Variants in DPYD observed in about 807,000 individuals in gnomAD.
DPYD encodes the protein dihydropyrimidine dehydrogenase, also known as dihydropyrimidine dehydrogenase [NADP(+)].
Under a neutral mutation model 116.2 loss-of-function variants are expected in DPYD, and 109 were observed. That is an observed-to-expected ratio of 0.94 (90% CI 0.80 to 1.10). The LOEUF is 1.10. Ranked by LOEUF, DPYD falls within the 50% of genes least tolerant of loss-of-function variation. DPYD has a pLI of 0.00. For missense variants in DPYD, 1,302 were observed against 1,254.5 expected (o/e 1.04, Z -0.57); for synonymous variants, 440 against 432.0 (o/e 1.02, Z -0.23).
At chr1:97,858,523 G>T (rs1048001583) in intron 2 of DPYD, among the ~76,000 whole-genome samples, 2 of 152,036 alleles carry the variant, frequency 1.3e-5, no homozygotes, top group Non-Finnish European at 2.9e-5. Flanking sequence ...TATAAAGATA[G>T]TACATCTGTT....
intron 3 of DPYD, among the ~76,000 whole-genome samples, chr1:97,777,032 T>C (rs1305621240): frequency 6.6e-6 from 1 of 152,160 alleles, no homozygotes; most frequent in African/African-American, 2.4e-5. Flanking sequence ...AGTGAAATTA[T>C]CTAAAAATAC....
intron 18 of DPYD, among the ~76,000 whole-genome samples, chr1:97,273,557 A>T (rs1664735533): frequency 6.6e-6 from 1 of 152,124 alleles, no homozygotes; most frequent in East Asian, 1.9e-4. Context: ...CAGTGTGGAG[A>T]GAGGACTAAG....
chr1:97,395,363 A>T (rs1672952791), intron 14 of DPYD, among the ~76,000 whole-genome samples: 2 of 151,922 alleles, frequency 1.3e-5, no homozygotes, highest in Admixed American at 1.3e-4. Flanking sequence ...TTTCACATAC[A>T]TTATCTCATT....
chr1:97,444,670 T>C (rs941302624), intron 14 of DPYD, among the ~76,000 whole-genome samples: 1 of 152,166 alleles, frequency 6.6e-6, no homozygotes, highest in Non-Finnish European at 1.5e-5. Context: ...AGGAGATTTC[T>C]GAAATGATTG....
At chr1:97,353,236 G>T (rs561108731) in intron 16 of DPYD, among the ~76,000 whole-genome samples, 1 of 152,302 alleles carries the variant, frequency 6.6e-6, no homozygotes, top group South Asian at 2.1e-4. Context: ...TCGCTGCCAG[G>T]CTGCTATAAA....
At chr1:97,735,432 T>C (rs972948024) in intron 4 of DPYD, among the ~76,000 whole-genome samples, 1 of 151,562 alleles carries the variant, frequency 6.6e-6, no homozygotes, top group Non-Finnish European at 1.5e-5. Context: ...ATCCCAGCAC[T>C]TTGGGAGGCC....
chr1:97,440,033 T>C (rs1260592562), intron 14 of DPYD, among the ~76,000 whole-genome samples: 3 of 152,128 alleles, frequency 2.0e-5, no homozygotes, highest in African/African-American at 7.2e-5. Flanking sequence ...CCCAGCACTT[T>C]GGGAGGCCGA....
intron 14 of DPYD, among the ~76,000 whole-genome samples, chr1:97,448,811 G>A (rs765593074): frequency 4.6e-5 from 7 of 151,948 alleles, no homozygotes; most frequent in Admixed American, 4.6e-4. Context: ...GACGGGTCAC[G>A]ATAGTTCCCT....
chr1:97,409,523 T>C (rs10783061), intron 14 of DPYD, among the ~76,000 whole-genome samples: 141,630 of 152,218 alleles, frequency 0.93, 66,769 homozygotes, highest in East Asian at 1. Context: ...CATTGAGATG[T>C]AATTAATGCT....
intron 13 of DPYD, among the ~76,000 whole-genome samples, chr1:97,481,890 T>TCA (rs749611845): frequency 1.3e-5 from 2 of 151,910 alleles, no homozygotes; most frequent in Non-Finnish European, 2.9e-5. Flanking sequence ...GTGTGTTCAT[T>TCA]CACACACACA....
Position 97,159,332 on chromosome 1 carries a change from G to A in DPYD, c.2622+33737C>T, listed in dbSNP as rs562097752. 1.6e-4 allele frequency among the ~76,000 whole-genome samples: 24 copies of A among 152,152 alleles called. No individual in the cohort carries two copies. In the South Asian group the frequency reaches 5.0e-3, roughly 32 times the overall value. ...TAACAGCATAATGGAGATGGTATGAGAGGAAAGACTCAGTGAACTTGAACA... is the reference window on the plus strand; with the variant it reads ...TAACAGCATAATGGAGATGGTATGAAAGGAAAGACTCAGTGAACTTGAACA... On this transcript the variant is annotated intron_variant, in intron 20 of 22. Coordinates refer to ENST00000370192, the MANE Select transcript of DPYD (RefSeq NM_000110.4).
chr1:97,479,012 T>G (rs1401981928), intron 13 of DPYD, among the ~76,000 whole-genome samples: 1 of 152,212 alleles, frequency 6.6e-6, no homozygotes, highest in Non-Finnish European at 1.5e-5. Flanking sequence ...CAAGGCCTTG[T>G]TCCAGATCAG....
chr1:97,407,033 T>A (rs1214828485), intron 14 of DPYD, among the ~76,000 whole-genome samples: 3 of 152,202 alleles, frequency 2.0e-5, no homozygotes, highest in Non-Finnish European at 4.4e-5. Context: ...TGATTTAAAA[T>A]GTGTTATTAT....
chr1:97,850,684 T>C (rs1166710610), intron 2 of DPYD, among the ~76,000 whole-genome samples: 4 of 151,656 alleles, frequency 2.6e-5, no homozygotes, highest in East Asian at 1.9e-4. Flanking sequence ...GAGATCACAG[T>C]AAAAATAAAA....
intron 20 of DPYD, among the ~76,000 whole-genome samples, chr1:97,187,199 T>C (rs1321807496): frequency 6.6e-6 from 1 of 152,198 alleles, no homozygotes; most frequent in Non-Finnish European, 1.5e-5. Context: ...ACCAAAAATG[T>C]ATAAGCATTC....
intron 2 of DPYD, among the ~76,000 whole-genome samples, chr1:97,876,735 A>G (rs1483129195): frequency 1.3e-5 from 2 of 152,058 alleles, no homozygotes; most frequent in African/African-American, 4.8e-5. Context: ...AGGAAATAAT[A>G]TAACTACAGA....
At chr1:97,878,768 C>T (rs1195867779) in intron 2 of DPYD, among the ~76,000 whole-genome samples, 1 of 151,890 alleles carries the variant, frequency 6.6e-6, no homozygotes, top group Non-Finnish European at 1.5e-5. Flanking sequence ...CATTAAAACG[C>T]CTTAACTGTT....
At chr1:97,291,498 T>C (rs1262526529) in intron 18 of DPYD, among the ~76,000 whole-genome samples, 1 of 152,152 alleles carries the variant, frequency 6.6e-6, no homozygotes, top group African/African-American at 2.4e-5. Context: ...CATGGAATAC[T>C]ATGCAGCCAT....
intron 8 of DPYD, among the ~76,000 whole-genome samples, chr1:97,598,639 C>CGAAGGAAG (rs1418885675): frequency 6.6e-6 from 1 of 150,776 alleles, no homozygotes; most frequent in Non-Finnish European, 1.5e-5. Flanking sequence ...GAGGGAGGAA[C>CGAAGGAAG]GAAGGAAGGA....
Sources: gnomAD v4.1 joint callset for allele counts (sites outside exome capture counted in the v4.1 genomes callset) on GRCh38, gnomAD v4.1.1 for gene constraint, MANE v1.5 for transcripts, NCBI Gene and HGNC (gene_info 2026-07-23, HGNC 2026-07-21) for gene names.